CYB5R4: variants seen among roughly 807,000 people sequenced by gnomAD.
CYB5R4 encodes cytochrome b5 reductase 4.
Under a neutral mutation model 70.2 loss-of-function variants are expected in CYB5R4, and 55 were observed. The observed-to-expected ratio is 0.78, with a 90% CI of 0.63 to 0.98. CYB5R4 has a LOEUF of 0.98. Among genes scored for constraint, CYB5R4 ranks in the 50% least tolerant of loss-of-function variants. The probability of loss-of-function intolerance (pLI) is 0.00; values close to 1 mark genes in which losing one functional copy is unlikely to be tolerated. For missense variants in CYB5R4, 562 were observed against 612.6 expected (o/e 0.92, Z 0.87); for synonymous variants, 197 against 199.5 (o/e 0.99, Z 0.11).
chr6:83,898,206 T>C (rs2099462242), intron 3 of CYB5R4, among the ~76,000 whole-genome samples: 1 of 152,214 alleles, frequency 6.6e-6, no homozygotes. Flanking sequence ...CCCAGCACCA[T>C]TTATTAAATA....
At chr6:83,898,784 A>G (rs2129135300) in intron 3 of CYB5R4, among the ~76,000 whole-genome samples, 1 of 151,428 alleles carries the variant, frequency 6.6e-6, no homozygotes, top group East Asian at 2.0e-4. Context: ...TTGGTGTATA[A>G]GAATGCTTGT....
At chr6:83,929,976 G>A (rs944671109) in intron 10 of CYB5R4, among the ~76,000 whole-genome samples, 1 of 152,056 alleles carries the variant, frequency 6.6e-6, no homozygotes, top group Non-Finnish European at 1.5e-5. Flanking sequence ...AATAAAGCAA[G>A]TCACACAATT....
At chr6:83,933,399 A>G (rs1347699492) in intron 10 of CYB5R4, among the ~76,000 whole-genome samples, 1 of 152,196 alleles carries the variant, frequency 6.6e-6, no homozygotes, top group Non-Finnish European at 1.5e-5. Flanking sequence ...TGTGACTAAA[A>G]TGATTTCTTA....
intron 6 of CYB5R4, 86 bp downstream of exon 6, chr6:83,918,151 T>C: frequency 1.0e-6 from 1 of 956,008 alleles, no homozygotes; most frequent in Non-Finnish European, 1.6e-6. Context: ...GCTCTGGGTT[T>C]GATTTATTGC....
chr6:83,949,239 A>C (rs2099471159), intron 14 of CYB5R4, among the ~76,000 whole-genome samples: 1 of 151,952 alleles, frequency 6.6e-6, no homozygotes, highest in Non-Finnish European at 1.5e-5. Context: ...TTGATGTAAA[A>C]CATAGGAGAA....
intron 1 of CYB5R4, among the ~76,000 whole-genome samples, chr6:83,860,559 T>C (rs370609630): frequency 3.9e-5 from 6 of 152,178 alleles, no homozygotes; most frequent in African/African-American, 1.4e-4. Context: ...CAATAAAAAT[T>C]GTGTTCTTTG....
intron 3 of CYB5R4, among the ~76,000 whole-genome samples, chr6:83,907,272 G>A (rs991524219): frequency 2.0e-5 from 3 of 152,046 alleles, no homozygotes; most frequent in Non-Finnish European, 4.4e-5. Flanking sequence ...GACTTTTAAG[G>A]CATATTGAGA....
intron 2 of CYB5R4, among the ~76,000 whole-genome samples, chr6:83,869,728 CAGG>C (rs1318987386): frequency 6.6e-6 from 1 of 151,804 alleles, no homozygotes; most frequent in African/African-American, 2.4e-5. Context: ...GAGGCTGAAG[CAGG>C]AGAATTGCTT....
chr6:83,917,995 C>G lies in CYB5R4; in HGVS notation c.446-10C>G. ...TTGTAGATGAACTATAGCTATCTTT[C>G]TTTGTAAAGGCATGCTTCCCAAGAG... On this transcript the variant is annotated splice_polypyrimidine_tract_variant and intron_variant, in intron 5 of 15. Coordinates refer to ENST00000369681, the MANE Select transcript of CYB5R4 (RefSeq NM_016230.4). 1 of 1,606,830 alleles carries G rather than the reference C, an allele frequency of 6.2e-7. No homozygotes were observed. The highest frequency in any genetic ancestry group is 8.5e-7 in the Non-Finnish European group (1 of 1,174,872).
intron 2 of CYB5R4, among the ~76,000 whole-genome samples, chr6:83,875,654 C>G (rs567997139): frequency 9.8e-4 from 149 of 152,216 alleles, no homozygotes; most frequent in African/African-American, 3.3e-3. Context: ...GTAGGGTGTT[C>G]CTGAGAGTAA....
intron 8 of CYB5R4, among the ~76,000 whole-genome samples, chr6:83,921,594 A>G (rs564970878): frequency 3.9e-5 from 6 of 152,322 alleles, no homozygotes; most frequent in Admixed American, 6.5e-5. Flanking sequence ...CTGGACTACA[A>G]ATTTGTATTG....
At chr6:83,947,253 C>A (rs1249356920) in intron 14 of CYB5R4, among the ~76,000 whole-genome samples, 1 of 152,018 alleles carries the variant, frequency 6.6e-6, no homozygotes, top group Non-Finnish European at 1.5e-5. Context: ...AATAATGCCA[C>A]ACATTTACAA....
chr6:83,892,938 A>G (rs2099461348), intron 2 of CYB5R4, among the ~76,000 whole-genome samples: 1 of 151,626 alleles, frequency 6.6e-6, no homozygotes. Flanking sequence ...TTTCTTTTGC[A>G]TTTTTGCATG....
intron 2 of CYB5R4, among the ~76,000 whole-genome samples, chr6:83,881,249 A>C (rs1012680075): frequency 6.6e-6 from 1 of 151,688 alleles, no homozygotes; most frequent in South Asian, 2.1e-4. Context: ...GTACCAGCTC[A>C]CTGCAGCCTC....
At chr6:83,914,598 C>T (rs939224646) in intron 5 of CYB5R4, 150 bp downstream of exon 5, 19 of 630,292 alleles carry the variant, frequency 3.0e-5, no homozygotes, top group Non-Finnish European at 3.6e-5. Context: ...AGTGCAGTGG[C>T]ACCATCTCAG....
At chr6:83,945,391 G>A (rs903296574) in intron 14 of CYB5R4, among the ~76,000 whole-genome samples, 3 of 152,190 alleles carry the variant, frequency 2.0e-5, no homozygotes, top group East Asian at 1.9e-4. Flanking sequence ...AAGACACAAC[G>A]TACCAGAATC....
chr6:83,901,935 A>G (rs2099463038), intron 3 of CYB5R4, among the ~76,000 whole-genome samples: 1 of 151,830 alleles, frequency 6.6e-6, no homozygotes, highest in Admixed American at 6.6e-5. Flanking sequence ...TCCTTGTTAG[A>G]TAAATAGAGT....
intron 1 of CYB5R4, among the ~76,000 whole-genome samples, chr6:83,861,105 A>G (rs2129126734): frequency 6.6e-6 from 1 of 152,356 alleles, no homozygotes; most frequent in South Asian, 2.1e-4. Context: ...CTTTCCAGAA[A>G]GAATCTCTGA....
Position 83,934,687 on chromosome 6 carries a change from C to CT in CYB5R4, c.909dup (p.Gln304SerfsTer43). On this transcript the variant is annotated frameshift_variant, in exon 11 of 16. Coordinates refer to ENST00000369681, the MANE Select transcript of CYB5R4 (RefSeq NM_016230.4). LOFTEE classifies it high-confidence loss of function. ...TTTGATGCTGCCACCAAGCACTCAT[C>CT]TTCAAGTGCCCATTGGGCAACATGT... 1 of 1,613,746 alleles carries CT rather than the reference C, an allele frequency of 6.2e-7. No individual in the cohort carries two copies. Among genetic ancestry groups the CT allele is most frequent in the Non-Finnish European group, 8.5e-7 (1 of 1,179,768 alleles).
Sources: allele counts gnomAD v4.1 joint callset (sites outside exome capture counted in the v4.1 genomes callset), GRCh38; gene constraint gnomAD v4.1.1; transcripts MANE v1.5; gene names NCBI Gene and HGNC (gene_info 2026-07-23, HGNC 2026-07-21).